The following FRMD4A variants were observed in gnomAD, a reference collection of about 807,000 sequenced individuals.
The protein encoded by FRMD4A is FERM domain containing 4A.
FRMD4A carries 29 observed loss-of-function variants against 129.1 expected under a neutral mutation model. That is an observed-to-expected ratio of 0.22 (90% CI 0.17 to 0.31). The LOEUF (loss-of-function observed/expected upper bound fraction) is 0.31. Ranked by LOEUF, FRMD4A falls within the 10% of genes least tolerant of loss-of-function variation. FRMD4A has a pLI of 1.00. For synonymous variants in FRMD4A, 634 were observed against 571.6 expected, an observed-to-expected ratio of 1.11 and a Z score of -1.56; for missense variants, 1,272 against 1,375.8, an observed-to-expected ratio of 0.92 and a Z score of 1.19.
At chr10:14,099,843 C>CTGGA (rs1837204312) in intron 2 of FRMD4A, among the ~76,000 whole-genome samples, 1 of 152,162 alleles carries the variant, frequency 6.6e-6, no homozygotes, top group Admixed American at 6.5e-5. Flanking sequence ...TCCAGGCTGG[C>CTGGA]CTCAAACTCT....
At chr10:14,011,331 C>T (rs1320878025) in intron 2 of FRMD4A, among the ~76,000 whole-genome samples, 4 of 152,108 alleles carry the variant, frequency 2.6e-5, no homozygotes, top group African/African-American at 9.7e-5. Context: ...GACGGAGGGG[C>T]TAAGAACCAC....
intron 2 of FRMD4A, among the ~76,000 whole-genome samples, chr10:14,222,677 G>T (rs778622124): frequency 9.2e-5 from 14 of 152,130 alleles, no homozygotes; most frequent in Non-Finnish European, 8.8e-5. Context: ...CCTCCCCACT[G>T]CAGAATCAGG....
intron 2 of FRMD4A, among the ~76,000 whole-genome samples, chr10:14,160,954 GA>G (rs911124588): frequency 4.6e-5 from 7 of 152,030 alleles, no homozygotes; most frequent in Non-Finnish European, 1.0e-4. Context: ...ACTGCATGAA[GA>G]TTTTTTTTTT....
At chr10:13,902,221 G>T (rs2094827790) in intron 2 of FRMD4A, among the ~76,000 whole-genome samples, 2 of 152,030 alleles carry the variant, frequency 1.3e-5, no homozygotes. Context: ...ATGGGGTCTT[G>T]CTATGTGGCC....
chr10:14,155,997 A>G (rs1840577512), intron 2 of FRMD4A, among the ~76,000 whole-genome samples: 1 of 152,126 alleles, frequency 6.6e-6, no homozygotes, highest in African/African-American at 2.4e-5. Context: ...ATGTTAGGAC[A>G]CCTGTACCTC....
rs146082375 is a variant in FRMD4A at position 13,897,783 on chromosome 10, A to T, written c.46-38871T>A. 6.4e-3 allele frequency among the ~76,000 whole-genome samples: 977 copies of T among 151,840 alleles called. 16 individuals are homozygous for T. The highest frequency in any genetic ancestry group is 0.023 in the African/African-American group (943 of 41,382). On this transcript the variant is annotated intron_variant, in intron 2 of 24. Transcript: ENST00000357447. ...GAAACCCCGTCTCTGCTAAAAATAC[A>T]AAAAATTAGCCGGGTGTGGTTGCAG...
At chr10:13,735,369 A>G (rs1259586176) in intron 12 of FRMD4A, among the ~76,000 whole-genome samples, 2 of 152,222 alleles carry the variant, frequency 1.3e-5, no homozygotes, top group African/African-American at 4.8e-5. Flanking sequence ...GACATTTTTA[A>G]TTCATGGACC....
At chr10:13,978,733 G>C (rs1455058854) in intron 2 of FRMD4A, among the ~76,000 whole-genome samples, 16 of 152,102 alleles carry the variant, frequency 1.1e-4, no homozygotes, top group Non-Finnish European at 1.6e-4. Flanking sequence ...TTATATAAAT[G>C]CTAGGAAACT....
chr10:13,897,960 A>T (rs1352697688), intron 2 of FRMD4A, among the ~76,000 whole-genome samples: 1 of 147,938 alleles, frequency 6.8e-6, no homozygotes, highest in Non-Finnish European at 1.5e-5. Flanking sequence ...AAAAAAGCTA[A>T]GATATGTGTC....
chr10:13,661,717 G>T (rs183754498), intron 19 of FRMD4A, among the ~76,000 whole-genome samples: 19 of 152,156 alleles, frequency 1.2e-4, no homozygotes, highest in African/African-American at 4.3e-4. Flanking sequence ...GCTAGGGCAG[G>T]TCAGCATTGA....
chr10:14,049,996 C>T (rs539637734), intron 2 of FRMD4A, among the ~76,000 whole-genome samples: 6 of 152,234 alleles, frequency 3.9e-5, no homozygotes, highest in African/African-American at 1.2e-4. Flanking sequence ...TGAGCACCTA[C>T]GACACGGAGG....
At chr10:13,938,884 A>G (rs1368349445) in intron 2 of FRMD4A, among the ~76,000 whole-genome samples, 1 of 152,146 alleles carries the variant, frequency 6.6e-6, no homozygotes, top group Non-Finnish European at 1.5e-5. Flanking sequence ...CCAAATGTCA[A>G]TAGTACCAAG....
chr10:13,853,637 C>T (rs553278084), intron 3 of FRMD4A, among the ~76,000 whole-genome samples: 76 of 152,068 alleles, frequency 5.0e-4, no homozygotes, highest in Middle Eastern at 3.4e-3. Flanking sequence ...AATTCCAGAC[C>T]AGCCTCGTCA....
Position 14,244,068 on chromosome 10 carries a change from T to C in FRMD4A, c.45+85990A>G, listed in dbSNP as rs1228331. 9.7e-3 allele frequency among the ~76,000 whole-genome samples: 1,470 copies of C among 152,206 alleles called. 29 individuals carry two copies. The highest frequency in any genetic ancestry group is 0.034 in the African/African-American group (1,415 of 41,528). Reference sequence around the variant, plus strand: ...ATTAATGGCTAATTTTCCCCAAAGGTGAGGGAGCAAGAAGACATATGACCA... The same window carrying C: ...ATTAATGGCTAATTTTCCCCAAAGGCGAGGGAGCAAGAAGACATATGACCA... On this transcript the variant is annotated intron_variant, in intron 2 of 24. Transcript: ENST00000357447.
At chr10:14,187,126 AGAAGGAAAGAAGGAAG>A (rs1350972643) in intron 2 of FRMD4A, among the ~76,000 whole-genome samples, 6 of 136,738 alleles carry the variant, frequency 4.4e-5, no homozygotes, top group South Asian at 5.5e-4. Context: ...CTCAAAGGAA[AGAAGGAAAGAAGGAAG>A]GAAGGAAAGA....
chr10:13,900,154 C>G (rs770493409), intron 2 of FRMD4A, among the ~76,000 whole-genome samples: 15 of 152,146 alleles, frequency 9.9e-5, no homozygotes, highest in African/African-American at 3.4e-4. Context: ...CCACTTCAAT[C>G]AAAAAGGGAT....
intron 9 of FRMD4A, among the ~76,000 whole-genome samples, chr10:13,742,013 C>T (rs2091034452): frequency 2.0e-5 from 3 of 152,132 alleles, no homozygotes; most frequent in Admixed American, 2.0e-4. Flanking sequence ...TGTGTCACCA[C>T]ACCTTGCTAA....
At chr10:13,896,341 A>G (rs1251033357) in intron 2 of FRMD4A, among the ~76,000 whole-genome samples, 1 of 152,236 alleles carries the variant, frequency 6.6e-6, no homozygotes, top group Non-Finnish European at 1.5e-5. Flanking sequence ...ATGCAGCTGT[A>G]AAAAAGAATG....
At chr10:14,162,919 A>T (rs1331208080) in intron 2 of FRMD4A, among the ~76,000 whole-genome samples, 3 of 152,180 alleles carry the variant, frequency 2.0e-5, no homozygotes, top group Non-Finnish European at 4.4e-5. Flanking sequence ...GGTAATATGT[A>T]AATCCTGCTC....
Sources: allele counts gnomAD v4.1 joint callset (sites outside exome capture counted in the v4.1 genomes callset), GRCh38; gene constraint gnomAD v4.1.1; transcripts MANE v1.5; gene names NCBI Gene and HGNC (gene_info 2026-07-23, HGNC 2026-07-21).